SLCO5A1: variants seen among roughly 807,000 people sequenced by gnomAD.
SLCO5A1 encodes organic anion transporter polypeptide-related protein 4.
SLCO5A1 carries 39 observed loss-of-function variants against 65.1 expected under a neutral mutation model. That is an observed-to-expected ratio of 0.60 (90% CI 0.46 to 0.78). SLCO5A1 has a LOEUF of 0.78. Among genes scored for constraint, SLCO5A1 ranks in the 30% least tolerant of loss-of-function variants. SLCO5A1 has a pLI of 0.00. For synonymous variants in SLCO5A1, 438 were observed against 415.7 expected (o/e 1.05, Z -0.65); for missense variants, 1,029 against 1,069.4 (o/e 0.96, Z 0.53).
Position 69,705,057 on chromosome 8 carries a change from C to G in SLCO5A1, c.1596G>C (p.Gly532=), listed in dbSNP as rs368316109. ...CTGTTGTATAAGGGATGTTTATGCC[C>G]CCTAGATTAATGCTTTCACATCCAA... ...FIVGCESINL[G]GINIPYTTGP... is the part of the protein sequence containing the mutation. The change falls in exon 6 of 10, where the codon GGG becomes GGC. Residue 532 remains glycine, a synonymous_variant. Coordinates refer to ENST00000260126, the MANE Select transcript of SLCO5A1 (RefSeq NM_030958.3). 52 of 1,613,232 alleles carry G rather than the reference C, an allele frequency of 3.2e-5. No homozygotes were observed. Among genetic ancestry groups the G allele is most frequent in the Non-Finnish European group, 4.2e-5 (49 of 1,180,014 alleles).
Position 69,825,469 on chromosome 8 carries a change from T to G in SLCO5A1, c.907+6298A>C, listed in dbSNP as rs1417935357. ...AATCAATGTACAAAAATCACAAGCATTCTTATACACCAATAACAGACAAAC... is the reference window on the plus strand; with the variant it reads ...AATCAATGTACAAAAATCACAAGCAGTCTTATACACCAATAACAGACAAAC... On this transcript the variant is annotated intron_variant, in intron 2 of 9. Coordinates refer to ENST00000260126, the MANE Select transcript of SLCO5A1 (RefSeq NM_030958.3). Among the ~76,000 whole-genome samples, 6 of 152,242 alleles carry G rather than the reference T, an allele frequency of 3.9e-5. No homozygotes were observed. In the East Asian group the frequency reaches 1.2e-3, roughly 29 times the overall value.
intron 2 of SLCO5A1, among the ~76,000 whole-genome samples, chr8:69,784,811 A>AAAGAAAGAAAGAAAGAAAG (rs1554620799): frequency 1.4e-5 from 1 of 70,930 alleles, no homozygotes; most frequent in Admixed American, 1.6e-4. Flanking sequence ...GAAAGAAAGA[A>AAAGAAAGAAAGAAAGAAAG]AAAGAAAGAA....
intron 3 of SLCO5A1, among the ~76,000 whole-genome samples, chr8:69,761,143 C>T (rs1046676916): frequency 6.6e-6 from 1 of 152,148 alleles, no homozygotes; most frequent in Non-Finnish European, 1.5e-5. Flanking sequence ...AAGGAAGCAC[C>T]CCAATCCTAA....
chr8:69,681,187 G>A (rs1813747500), intron 7 of SLCO5A1, among the ~76,000 whole-genome samples: 1 of 152,196 alleles, frequency 6.6e-6, no homozygotes, highest in Admixed American at 6.5e-5. Context: ...ACATTCAGTG[G>A]ATGGTATAAT....
intron 5 of SLCO5A1, among the ~76,000 whole-genome samples, chr8:69,731,920 C>T (rs1031936363): frequency 3.9e-5 from 6 of 152,190 alleles, no homozygotes; most frequent in Non-Finnish European, 7.3e-5. Flanking sequence ...ACACCTAAAA[C>T]ACTTAGATTT....
chr8:69,734,529 G>A (rs747909543), intron 5 of SLCO5A1, among the ~76,000 whole-genome samples: 1 of 152,158 alleles, frequency 6.6e-6, no homozygotes, highest in African/African-American at 2.4e-5. Context: ...CCTCTTAGAT[G>A]TGTAAGCAAC....
intron 2 of SLCO5A1, among the ~76,000 whole-genome samples, chr8:69,829,985 T>G (rs1006966575): frequency 3.9e-5 from 6 of 152,222 alleles, no homozygotes; most frequent in African/African-American, 1.4e-4. Context: ...TGGTGCTTAT[T>G]ATACTATTGT....
rs534295131 is a variant in SLCO5A1, at chr8:69,704,833, A to C, written c.1622+198T>G. On this transcript the variant is annotated intron_variant, in intron 6 of 9. Transcript: ENST00000260126. ...ATGAAAGTCCCTCTGTGGGGTCAGAAGGGGCACAGAGGAAGACGAGACCCT... is the reference window on the plus strand; with the variant it reads ...ATGAAAGTCCCTCTGTGGGGTCAGACGGGGCACAGAGGAAGACGAGACCCT... 8 of 575,386 alleles carry C rather than the reference A, an allele frequency of 1.4e-5. No homozygotes were observed. The South Asian group carries it at 1.6e-4, about 11-fold the overall frequency. 35.6% of individuals were successfully genotyped at this position (575,386 alleles called of 1,614,324 possible).
intron 8 of SLCO5A1, among the ~76,000 whole-genome samples, chr8:69,678,443 G>T (rs1813634693): frequency 1.3e-5 from 2 of 152,184 alleles, no homozygotes; most frequent in Non-Finnish European, 2.9e-5. Flanking sequence ...TCAAGATTCA[G>T]ATCTTAGTTA....
chr8:69,714,974 A>G (rs1815444148), intron 5 of SLCO5A1: 1 of 152,234 alleles, frequency 6.6e-6, no homozygotes, highest in African/African-American at 2.4e-5. Flanking sequence ...TTTTCATTTC[A>G]GGTTTCTGTA....
chr8:69,725,110 G>A (rs1816002417), intron 5 of SLCO5A1, among the ~76,000 whole-genome samples: 1 of 152,070 alleles, frequency 6.6e-6, no homozygotes, highest in Admixed American at 6.6e-5. Flanking sequence ...CCTCTAAAAT[G>A]GATACAGTTA....
intron 5 of SLCO5A1, among the ~76,000 whole-genome samples, chr8:69,711,406 T>A (rs966066816): frequency 1.3e-5 from 2 of 151,992 alleles, no homozygotes; most frequent in African/African-American, 4.8e-5. Context: ...TCCAGCGCCC[T>A]CTAATGGCCA....
chr8:69,763,551 CAG>C (rs928351018), intron 2 of SLCO5A1, among the ~76,000 whole-genome samples: 96 of 127,474 alleles, frequency 7.5e-4, no homozygotes, highest in African/African-American at 2.7e-3. Flanking sequence ...ACCTGGTAGG[CAG>C]AGATTGCTGT....
At chr8:69,765,365 T>C (rs748356886) in intron 2 of SLCO5A1, among the ~76,000 whole-genome samples, 2 of 152,022 alleles carry the variant, frequency 1.3e-5, no homozygotes, top group Non-Finnish European at 2.9e-5. Context: ...TGTGTATATG[T>C]ATATTACTCT....
At chr8:69,749,943 C>T (rs762973380) in intron 4 of SLCO5A1, among the ~76,000 whole-genome samples, 8 of 152,054 alleles carry the variant, frequency 5.3e-5, no homozygotes, top group Admixed American at 3.9e-4. Flanking sequence ...TAAGGGGCCA[C>T]GTGAGAAGTG....
intron 2 of SLCO5A1, among the ~76,000 whole-genome samples, chr8:69,780,119 C>T (rs1818731331): frequency 1.3e-5 from 2 of 152,100 alleles, no homozygotes; most frequent in South Asian, 4.2e-4. Flanking sequence ...TTACACCAAC[C>T]AGAATGGCTA....
chr8:69,722,253 CCAA>C (rs1815860834), intron 5 of SLCO5A1, among the ~76,000 whole-genome samples: 1 of 152,226 alleles, frequency 6.6e-6, no homozygotes, highest in South Asian at 2.1e-4. Flanking sequence ...ACCAAGATTA[CCAA>C]CAACAACCTA....
At chr8:69,752,436 T>TA (rs5892216) in intron 4 of SLCO5A1, among the ~76,000 whole-genome samples, 145,490 of 146,814 alleles carry the variant, frequency 0.99, 72,090 homozygotes, top group South Asian at 0.99. Context: ...TCAGCTTTGT[T>TA]AAAAAAAAAA....
At chr8:69,723,338 G>A (rs1020203663) in intron 5 of SLCO5A1, among the ~76,000 whole-genome samples, 4 of 152,014 alleles carry the variant, frequency 2.6e-5, no homozygotes, top group African/African-American at 9.7e-5. Flanking sequence ...TGCAACCTCT[G>A]CATTTTGGGT....
Sources: allele counts gnomAD v4.1 joint callset (sites outside exome capture counted in the v4.1 genomes callset), GRCh38; gene constraint gnomAD v4.1.1; transcripts MANE v1.5; gene names NCBI Gene and HGNC (gene_info 2026-07-23, HGNC 2026-07-21).